Variants in THSD7B observed in about 807,000 individuals in gnomAD.
The protein encoded by THSD7B is thrombospondin type-1 domain-containing protein 7B.
In THSD7B, 138 loss-of-function variants were observed where a neutral mutation model predicts 213.6. The ratio of observed to expected loss-of-function variants is 0.65; its 90% CI spans 0.56 to 0.74. THSD7B has a LOEUF of 0.74. Ranked by LOEUF, THSD7B falls within the 30% of genes least tolerant of loss-of-function variation. The pLI is 0.00. For synonymous variants in THSD7B, 742 were observed against 687.0 expected (o/e 1.08, Z -1.25); for missense variants, 1,931 against 1,991.5 (o/e 0.97, Z 0.58).
intron 2 of THSD7B, among the ~76,000 whole-genome samples, chr2:136,949,690 A>T (rs1190935556): frequency 6.6e-6 from 1 of 152,202 alleles, no homozygotes; most frequent in Non-Finnish European, 1.5e-5. Context: ...TAAAAATACC[A>T]TACAAGGGGC....
At chr2:136,859,959 G>A (rs1683234325) in intron 1 of THSD7B, among the ~76,000 whole-genome samples, 2 of 151,078 alleles carry the variant, frequency 1.3e-5, no homozygotes, top group South Asian at 2.1e-4. Flanking sequence ...TGGTGTTGGA[G>A]GAATTAAGTG....
chr2:137,215,344 G>T (rs1415355596), intron 7 of THSD7B, among the ~76,000 whole-genome samples: 1 of 152,018 alleles, frequency 6.6e-6, no homozygotes, highest in African/African-American at 2.4e-5. Flanking sequence ...CTAATATCCA[G>T]GATACAAGCA....
At chr2:137,428,946 T>C (rs1278439866) in intron 14 of THSD7B, among the ~76,000 whole-genome samples, 2 of 152,144 alleles carry the variant, frequency 1.3e-5, no homozygotes, top group Non-Finnish European at 1.5e-5. Context: ...CCTTCTGCTG[T>C]GTAAGGAGAA....
At chr2:137,099,435 G>T (rs890679200) in intron 4 of THSD7B, among the ~76,000 whole-genome samples, 2 of 152,196 alleles carry the variant, frequency 1.3e-5, no homozygotes, top group African/African-American at 4.8e-5. Context: ...TAGTGTAAAT[G>T]CTTCATGTCA....
chr2:137,305,083 C>T (rs1342940482), intron 12 of THSD7B, among the ~76,000 whole-genome samples: 1 of 152,008 alleles, frequency 6.6e-6, no homozygotes, highest in Non-Finnish European at 1.5e-5. Flanking sequence ...TTTCAGGATC[C>T]CTGAGGTGGC....
At chr2:137,653,743 AGTT>A (rs1257096154) in intron 21 of THSD7B, among the ~76,000 whole-genome samples, 2 of 151,460 alleles carry the variant, frequency 1.3e-5, no homozygotes, top group Non-Finnish European at 2.9e-5. Context: ...CAGCAAATGT[AGTT>A]GTTTCAATAT....
chr2:136,974,352 C>A (rs13416164), intron 2 of THSD7B, among the ~76,000 whole-genome samples: 1 of 151,528 alleles, frequency 6.6e-6, no homozygotes, highest in Non-Finnish European at 1.5e-5. Context: ...CTCCCCTGAA[C>A]CCCCCGCCCC....
At chr2:137,298,903 C>A (rs938917881) in intron 12 of THSD7B, among the ~76,000 whole-genome samples, 1 of 152,190 alleles carries the variant, frequency 6.6e-6, no homozygotes, top group Non-Finnish European at 1.5e-5. Flanking sequence ...TAGAGCAGTG[C>A]AGAATGGAAC....
At chr2:136,890,082 C>T (rs915243289) in intron 2 of THSD7B, among the ~76,000 whole-genome samples, 1 of 152,092 alleles carries the variant, frequency 6.6e-6, no homozygotes, top group African/African-American at 2.4e-5. Flanking sequence ...ATTATAGTCC[C>T]CAGTGCCATT....
intron 2 of THSD7B, among the ~76,000 whole-genome samples, chr2:137,040,044 C>G (rs1166266525): frequency 6.6e-6 from 1 of 152,174 alleles, no homozygotes; most frequent in East Asian, 1.9e-4. Flanking sequence ...GACAAATGTT[C>G]ACTTCTGTAA....
In THSD7B at chr2:137,095,096, G is replaced by T. The variant is rs1436326724; in HGVS notation, c.1174G>T (p.Gly392Ter). 1 of 1,613,852 alleles carries T rather than the reference G, an allele frequency of 6.2e-7. No homozygotes were observed. Among genetic ancestry groups the T allele is most frequent in the Admixed American group, 1.7e-5 (1 of 59,958 alleles). The change falls in exon 4 of 28, where the codon GGA becomes TGA. Residue 392 changes from glycine to a stop codon, truncating the protein, a stop_gained. Transcript: ENST00000409968. LOFTEE classifies it high-confidence loss of function. ...LLEKEACIVE[G>*]ELLQQCPRYS... ...TGAGAAAGAGGCCTGCATTGTTGAAGGAGAACTTCTGCAGCAATGTCCCAG... is the reference window on the plus strand; with the variant it reads ...TGAGAAAGAGGCCTGCATTGTTGAATGAGAACTTCTGCAGCAATGTCCCAG...
chr2:136,919,342 T>G (rs150366310), intron 2 of THSD7B, among the ~76,000 whole-genome samples: 56 of 152,338 alleles, frequency 3.7e-4, no homozygotes, highest in Non-Finnish European at 6.8e-4. Context: ...GCAGGCAATA[T>G]TTTTGTAGTG....
chr2:137,562,756 C>T (rs1010064246), intron 15 of THSD7B, among the ~76,000 whole-genome samples: 3 of 151,984 alleles, frequency 2.0e-5, no homozygotes, highest in Non-Finnish European at 2.9e-5. Context: ...AAGAAATTTC[C>T]GGTACAAATC....
At chr2:137,604,784 T>C (rs1682141074) in intron 17 of THSD7B, among the ~76,000 whole-genome samples, 1 of 152,184 alleles carries the variant, frequency 6.6e-6, no homozygotes, top group Non-Finnish European at 1.5e-5. Flanking sequence ...TTGGGTACAA[T>C]ATAACTATTA....
chr2:137,116,433 G>T (rs1004390652), intron 5 of THSD7B, among the ~76,000 whole-genome samples: 3 of 152,100 alleles, frequency 2.0e-5, no homozygotes, highest in Non-Finnish European at 4.4e-5. Context: ...AGATTAAAAG[G>T]CTCCAGGTTA....
intron 10 of THSD7B, among the ~76,000 whole-genome samples, chr2:137,264,786 C>T (rs11680942): frequency 0.1 from 15,707 of 151,006 alleles, 979 homozygotes; most frequent in Non-Finnish European, 0.14. Flanking sequence ...TGTTGAGGGA[C>T]GCAAAAGAGC....
At chr2:137,357,067 G>A (rs1234508215) in intron 12 of THSD7B, among the ~76,000 whole-genome samples, 2 of 151,326 alleles carry the variant, frequency 1.3e-5, no homozygotes, top group Non-Finnish European at 2.9e-5. Context: ...TGTGATCATA[G>A]GAAGTATATT....
chr2:137,364,196 C>A (rs187770964), intron 12 of THSD7B, among the ~76,000 whole-genome samples: 2 of 152,156 alleles, frequency 1.3e-5, no homozygotes, highest in Middle Eastern at 3.4e-3. Flanking sequence ...CATGCTAAAG[C>A]CTTCATGCTA....
intron 4 of THSD7B, among the ~76,000 whole-genome samples, chr2:137,104,655 G>A (rs36197804): frequency 1.3e-5 from 2 of 151,684 alleles, no homozygotes; most frequent in East Asian, 1.9e-4. Flanking sequence ...AATGATAGAC[G>A]GCTAGCCAGA....
Sources: gnomAD v4.1 joint callset for allele counts (sites outside exome capture counted in the v4.1 genomes callset) on GRCh38, gnomAD v4.1.1 for gene constraint, MANE v1.5 for transcripts, NCBI Gene and HGNC (gene_info 2026-07-23, HGNC 2026-07-21) for gene names.